DMXL2: variants seen among roughly 807,000 people sequenced by gnomAD.
The protein encoded by DMXL2 is dmX-like protein 2.
A neutral mutation model predicts 331.1 loss-of-function variants in DMXL2; 103 were observed. That is an observed-to-expected ratio of 0.31 (90% CI 0.27 to 0.37). The LOEUF (loss-of-function observed/expected upper bound fraction) is 0.37, where lower values mean the gene tolerates loss of function less well. DMXL2 is among the 10% of genes least tolerant of loss of function. The pLI, the probability that DMXL2 is intolerant of heterozygous loss-of-function variation, is 1.00. For missense variants in DMXL2, 3,171 were observed against 3,642.9 expected, an observed-to-expected ratio of 0.87 and a Z score of 3.33; for synonymous variants, 1,281 against 1,252.1, an observed-to-expected ratio of 1.02 and a Z score of -0.49.
chr15:51,614,861 T>C (rs192461567), intron 1 of DMXL2, among the ~76,000 whole-genome samples: 179 of 152,284 alleles, frequency 1.2e-3, no homozygotes, highest in African/African-American at 4.2e-3. Flanking sequence ...AGGAGCATTC[T>C]AGCTACTATG....
chr15:51,480,929 A>G lies in DMXL2; in HGVS notation c.6177T>C (p.Ala2059=). The G allele has an allele frequency of 3.1e-6, 5 of 1,613,358 alleles. No homozygotes were observed. The highest frequency in any genetic ancestry group is 4.2e-6 in the Non-Finnish European group (5 of 1,179,618). ...KILMTELRTL[A]TGYEVDGGKL... The stretch of plus-strand genomic sequence containing the variant: ...TTCCTCCATCTACTTCATAACCTGT[A>G]GCCAATGTTCTTAATTCAGTCATAA... Residue 2059 remains alanine (A), a synonymous_variant, in exon 24 of 44, where the codon GCT becomes GCC. Coordinates refer to ENST00000560891, the MANE Select transcript of DMXL2 (RefSeq NM_001378457.1).
chr15:51,564,847 C>T (rs1012737694), intron 4 of DMXL2, among the ~76,000 whole-genome samples: 2 of 151,842 alleles, frequency 1.3e-5, no homozygotes, highest in Non-Finnish European at 2.9e-5. Flanking sequence ...TACACATTAA[C>T]TAGGAAACAA....
At chr15:51,600,036 A>G (rs965179265) in intron 1 of DMXL2, among the ~76,000 whole-genome samples, 8 of 152,214 alleles carry the variant, frequency 5.3e-5, no homozygotes, top group African/African-American at 1.9e-4. Context: ...CTCTTCTTCA[A>G]TAATGAGAAA....
chr15:51,560,728 G>T (rs2049913020), intron 6 of DMXL2, among the ~76,000 whole-genome samples: 2 of 151,014 alleles, frequency 1.3e-5, no homozygotes, highest in South Asian at 4.2e-4. Context: ...GTTCAGAACT[G>T]TGGAAAACTA....
chr15:51,479,559 T>C (rs896275942), intron 25 of DMXL2, among the ~76,000 whole-genome samples: 3 of 152,174 alleles, frequency 2.0e-5, no homozygotes, highest in Non-Finnish European at 4.4e-5. Context: ...CTGGGACCAT[T>C]TGTGACCAGT....
intron 29 of DMXL2, among the ~76,000 whole-genome samples, chr15:51,470,557 C>G (rs2041005473): frequency 6.6e-6 from 1 of 152,080 alleles, no homozygotes; most frequent in Admixed American, 6.6e-5. Context: ...TAATAAAAAT[C>G]TAAAAATGGG....
chr15:51,497,540 T>C (rs1172303093), intron 18 of DMXL2, among the ~76,000 whole-genome samples: 3 of 152,158 alleles, frequency 2.0e-5, no homozygotes, highest in Admixed American at 6.5e-5. Flanking sequence ...GCCTGAAACA[T>C]AGCAATTTTT....
At chr15:51,517,231 AGC>A in intron 13 of DMXL2, 64 bp from the exon 14 acceptor site, 1 of 1,244,550 alleles carries the variant, frequency 8.0e-7, no homozygotes, top group South Asian at 1.2e-5. Flanking sequence ...AATATGATAC[AGC>A]ATCTTGGACA....
At chr15:51,597,257 AT>A (rs964958687) in intron 1 of DMXL2, among the ~76,000 whole-genome samples, 4 of 152,162 alleles carry the variant, frequency 2.6e-5, no homozygotes, top group Non-Finnish European at 4.4e-5. Context: ...AACTCAAAAG[AT>A]TATCTGTCCC....
In DMXL2 at chr15:51,471,302, G is replaced by T. The variant is rs372032462; in HGVS notation, c.7313C>A (p.Pro2438Gln). ...GTAAGATGGTCTTTCTGCAGGCACCGGTGGTGGGGTAGCATCTTTTACAGG... is the reference window on the plus strand; with the variant it reads ...GTAAGATGGTCTTTCTGCAGGCACCTGTGGTGGGGTAGCATCTTTTACAGG... ...GRPVKDATPP[P>Q]VPAERPSYKE... The change falls in exon 29 of 44, where the codon CCG (proline) becomes CAG (glutamine). Residue 2438 changes from proline (P) to glutamine (Q), a missense_variant. Transcript: ENST00000560891. The T allele has an allele frequency of 3.7e-6, 6 of 1,614,004 alleles. No individual in the cohort carries two copies. Among genetic ancestry groups the T allele is most frequent in the Non-Finnish European group, 5.1e-6 (6 of 1,179,912 alleles).
intron 2 of DMXL2, among the ~76,000 whole-genome samples, chr15:51,572,391 T>C (rs969088911): frequency 6.6e-6 from 1 of 152,050 alleles, no homozygotes; most frequent in South Asian, 2.1e-4. Flanking sequence ...TCTGAAACTA[T>C]TCCAAACAAT....
In DMXL2 at chr15:51,471,256, G is replaced by A. The variant is rs367891366; in HGVS notation, c.7359C>T (p.Pro2453=). The change falls in exon 29 of 44, where the codon CCC becomes CCT. Residue 2453 remains proline (P), a synonymous_variant. Coordinates refer to ENST00000560891, the MANE Select transcript of DMXL2 (RefSeq NM_001378457.1). The part of the protein sequence containing the change: ...RPSYKEKFIP[P]ELSMWDYFVA... ...CAAAATAATCCCACATACTAAGTTC[G>A]GGAGGAATAAATTTTTCTTTGTAAG... 2 of 1,613,736 alleles carry A rather than the reference G, an allele frequency of 1.2e-6. No homozygotes were observed. Among genetic ancestry groups the A allele is most frequent in the East Asian group, 2.2e-5 (1 of 44,882 alleles).
intron 13 of DMXL2, among the ~76,000 whole-genome samples, chr15:51,531,174 A>G (rs2047981308): frequency 6.6e-6 from 1 of 152,230 alleles, no homozygotes. Context: ...GTACTGGCAT[A>G]AAAACACACA....
At position 51,473,378 on chromosome 15, in the gene DMXL2, C is replaced by CA. The variant is rs1199671442; in HGVS notation, c.7213+965dup. On this transcript the variant is annotated intron_variant, in intron 28 of 43. Coordinates refer to ENST00000560891, the MANE Select transcript of DMXL2 (RefSeq NM_001378457.1). Reference sequence around the variant, plus strand: ...GATTTGATGGATAAATTACCATGAACAAAAAATCAGAAAACTCAGGCAGAG... The same window carrying CA: ...GATTTGATGGATAAATTACCATGAACAAAAAAATCAGAAAACTCAGGCAGAG... 2.0e-5 allele frequency among the ~76,000 whole-genome samples: 3 copies of CA among 151,926 alleles called. No individual in the cohort carries two copies. The South Asian group carries it at 6.2e-4, about 31-fold the overall frequency.
Position 51,545,598 on chromosome 15 carries a change from T to C in DMXL2, c.915A>G (p.Ile305Met). The change falls in exon 8 of 44, where the codon ATA (isoleucine) becomes ATG (methionine). Residue 305 changes from isoleucine to methionine, a missense_variant. Transcript: ENST00000560891. Reference sequence around the variant, plus strand: ...AATATAATACCTCAAGAGCATGCTGTATTCTGTCTTTGTGTCTTCCAGCAT... The same window carrying C: ...AATATAATACCTCAAGAGCATGCTGCATTCTGTCTTTGTGTCTTCCAGCAT... ...LSHAGRHKDR[I>M]QHALETIHHL... 1 of 1,613,468 alleles carries C rather than the reference T, an allele frequency of 6.2e-7. No homozygotes were observed. The highest frequency in any genetic ancestry group is 8.5e-7 in the Non-Finnish European group (1 of 1,179,546).
intron 1 of DMXL2, among the ~76,000 whole-genome samples, chr15:51,598,739 A>G (rs10851502): frequency 0.45 from 68,097 of 152,008 alleles, 15,883 homozygotes; most frequent in Non-Finnish European, 0.51. Flanking sequence ...TTCTTATTGC[A>G]TTTTATCAGG....
chr15:51,522,127 T>A, intron 13 of DMXL2, among the ~76,000 whole-genome samples: 1 of 152,248 alleles, frequency 6.6e-6, no homozygotes, highest in African/African-American at 2.4e-5. Context: ...CCAAAACAAC[T>A]GTATCTTTGA....
intron 28 of DMXL2, among the ~76,000 whole-genome samples, chr15:51,473,580 A>G (rs1330426684): frequency 6.6e-6 from 1 of 152,208 alleles, no homozygotes; most frequent in Admixed American, 6.5e-5. Flanking sequence ...ACAGACAATG[A>G]AGACAGAGGT....
At chr15:51,592,265 C>T (rs1421395611) in intron 1 of DMXL2, among the ~76,000 whole-genome samples, 24 of 151,780 alleles carry the variant, frequency 1.6e-4, no homozygotes, top group African/African-American at 3.9e-4. Flanking sequence ...AACTACATGA[C>T]GAATGCACAA....
Sources: gnomAD v4.1 joint callset for allele counts (sites outside exome capture counted in the v4.1 genomes callset) on GRCh38, gnomAD v4.1.1 for gene constraint, MANE v1.5 for transcripts, NCBI Gene and HGNC (gene_info 2026-07-23, HGNC 2026-07-21) for gene names.